Variants in SGCZ observed in about 807,000 individuals in gnomAD.
SGCZ encodes the protein zeta-sarcoglycan.
A neutral mutation model predicts 41.3 loss-of-function variants in SGCZ; 40 were observed. That is an observed-to-expected ratio of 0.97 (90% confidence interval 0.75 to 1.26). SGCZ has a LOEUF of 1.26. Ranked by LOEUF, SGCZ falls within the 50% of genes most tolerant of loss-of-function variation. SGCZ has a pLI of 0.00. For missense variants in SGCZ, 552 were observed against 369.8 expected (o/e 1.49, Z -4.04); for synonymous variants, 206 against 137.5 (o/e 1.50, Z -3.49).
intron 1 of SGCZ, among the ~76,000 whole-genome samples, chr8:14,788,516 T>C (rs1272998529): frequency 1.3e-5 from 2 of 152,206 alleles, no homozygotes; most frequent in Admixed American, 6.5e-5. Context: ...CTGGGGACAG[T>C]AGCTTAACTT....
At chr8:14,633,677 C>T (rs1273850288) in intron 1 of SGCZ, among the ~76,000 whole-genome samples, 4 of 151,890 alleles carry the variant, frequency 2.6e-5, no homozygotes, top group African/African-American at 9.6e-5. Flanking sequence ...TTGTATACCT[C>T]TAATTTTAGA....
At chr8:14,241,644 C>T (rs750324267) in intron 3 of SGCZ, among the ~76,000 whole-genome samples, 5 of 151,602 alleles carry the variant, frequency 3.3e-5, no homozygotes, top group African/African-American at 4.8e-5. Flanking sequence ...CATGGTTTTC[C>T]GAAGCTGACC....
chr8:14,377,784 G>T lies in SGCZ; in HGVS notation c.235-53580C>A, dbSNP rs1309082263. Among the ~76,000 whole-genome samples, 4 of 151,470 alleles carry T rather than the reference G, an allele frequency of 2.6e-5. No homozygotes were observed. The East Asian group carries it at 7.8e-4, about 30-fold the overall frequency. ...TATGAGTGAGAATATGCGGTGTTTG[G>T]TTTTTTGTTCTTGCGATAGTTTACT... is the stretch of plus-strand genomic sequence containing the variant. On this transcript the variant is annotated intron_variant, in intron 2 of 7. Coordinates refer to ENST00000382080, the MANE Select transcript of SGCZ (RefSeq NM_139167.4).
intron 1 of SGCZ, among the ~76,000 whole-genome samples, chr8:15,068,343 C>G (rs948274358): frequency 1.3e-5 from 2 of 152,148 alleles, no homozygotes; most frequent in African/African-American, 4.8e-5. Context: ...CAGTGAGGCC[C>G]ACACTGTAAC....
chr8:14,514,681 A>G (rs924904797), intron 2 of SGCZ, among the ~76,000 whole-genome samples: 7 of 149,422 alleles, frequency 4.7e-5, no homozygotes, highest in South Asian at 2.1e-4. Context: ...AAATATATAT[A>G]CGTATATATT....
intron 1 of SGCZ, among the ~76,000 whole-genome samples, chr8:15,216,405 A>G (rs1801405278): frequency 1.3e-5 from 2 of 151,786 alleles, no homozygotes; most frequent in Admixed American, 6.6e-5. Flanking sequence ...TATTTTTAGT[A>G]GAGACGGAGT....
chr8:14,831,894 AT>A (rs1377696194), intron 1 of SGCZ, among the ~76,000 whole-genome samples: 1 of 152,090 alleles, frequency 6.6e-6, no homozygotes, highest in African/African-American at 2.4e-5. Flanking sequence ...TTGTATATAT[AT>A]GTTTGTGTAT....
At chr8:14,477,721 C>T (rs1056865300) in intron 2 of SGCZ, among the ~76,000 whole-genome samples, 1 of 152,146 alleles carries the variant, frequency 6.6e-6, no homozygotes, top group Non-Finnish European at 1.5e-5. Context: ...GAATATGCTA[C>T]TCCAGACTAT....
chr8:14,815,547 T>C (rs1337722992), intron 1 of SGCZ, among the ~76,000 whole-genome samples: 2 of 152,152 alleles, frequency 1.3e-5, no homozygotes, highest in South Asian at 2.1e-4. Flanking sequence ...CTTTAGACAT[T>C]GTCTGCACCT....
At chr8:14,289,764 G>A (rs1003777111) in intron 3 of SGCZ, among the ~76,000 whole-genome samples, 2 of 151,238 alleles carry the variant, frequency 1.3e-5, no homozygotes, top group African/African-American at 4.9e-5. Flanking sequence ...TACATATATA[G>A]AAGAACTGTA....
chr8:14,149,719 A>C (rs961923283), intron 5 of SGCZ, among the ~76,000 whole-genome samples: 6 of 152,006 alleles, frequency 3.9e-5, no homozygotes, highest in African/African-American at 1.4e-4. Context: ...AGGATAGCTA[A>C]AGTTATCCTA....
chr8:14,196,021 A>C (rs1805256606), intron 4 of SGCZ, among the ~76,000 whole-genome samples: 1 of 152,130 alleles, frequency 6.6e-6, no homozygotes, highest in Admixed American at 6.6e-5. Context: ...ATCTATTTAA[A>C]AATGACAGTT....
chr8:14,144,104 G>A (rs1803452809), intron 5 of SGCZ, among the ~76,000 whole-genome samples: 1 of 152,112 alleles, frequency 6.6e-6, no homozygotes, highest in East Asian at 1.9e-4. Context: ...ACTAGGTCCA[G>A]AGACAGTGGA....
At chr8:14,295,045 C>T (rs1378556409) in intron 3 of SGCZ, among the ~76,000 whole-genome samples, 1 of 152,074 alleles carries the variant, frequency 6.6e-6, no homozygotes, top group Non-Finnish European at 1.5e-5. Context: ...TTAACCACCT[C>T]CTATGTGACC....
rs1194136729 is a variant in SGCZ, at chr8:14,238,786, T to C, written c.337-1107A>G. 2.6e-5 allele frequency among the ~76,000 whole-genome samples: 4 copies of C among 152,090 alleles called. No individual in the cohort carries two copies. The East Asian group carries it at 7.7e-4, about 29-fold the overall frequency. Reference sequence around the variant, plus strand: ...CGGTGATCAAAAAATAGAACAAAACTTGCCCTCTTGGTGCTTGCATTGTGG... The same window carrying C: ...CGGTGATCAAAAAATAGAACAAAACCTGCCCTCTTGGTGCTTGCATTGTGG... On this transcript the variant is annotated intron_variant, in intron 3 of 7. Transcript: ENST00000382080.
At chr8:14,627,993 A>G (rs1043954583) in intron 1 of SGCZ, among the ~76,000 whole-genome samples, 2 of 152,090 alleles carry the variant, frequency 1.3e-5, no homozygotes, top group African/African-American at 4.8e-5. Context: ...AGACCCACAC[A>G]TCACTATGTC....
rs149335380 is a variant in SGCZ at position 14,598,651 on chromosome 8, C to T, written c.40-43725G>A. On this transcript the variant is annotated intron_variant, in intron 1 of 7. Coordinates refer to ENST00000382080, the MANE Select transcript of SGCZ (RefSeq NM_139167.4). ...TCAAGTGATTTCCCACTTGAGTCTC[C>T]CAAATAACTTGGACTATAGGTGGGC... Among the ~76,000 whole-genome samples the T allele has an allele frequency of 4.5e-3, 685 of 152,018 alleles. 3 individuals carry two copies. Among genetic ancestry groups the T allele is most frequent in the Non-Finnish European group, 7.5e-3 (508 of 67,974 alleles).
chr8:14,242,261 T>A (rs1041395976), intron 3 of SGCZ, among the ~76,000 whole-genome samples: 1 of 152,194 alleles, frequency 6.6e-6, no homozygotes, highest in Non-Finnish European at 1.5e-5. Context: ...CGTAGTGAAA[T>A]AGCAGTGGTA....
intron 1 of SGCZ, among the ~76,000 whole-genome samples, chr8:14,920,597 C>A (rs1471094457): frequency 1.3e-5 from 2 of 151,954 alleles, no homozygotes; most frequent in African/African-American, 2.4e-5. Context: ...AAGATGGTAA[C>A]AGATTAAGAA....
Sources: gnomAD v4.1 joint callset for allele counts (sites outside exome capture counted in the v4.1 genomes callset) on GRCh38, gnomAD v4.1.1 for gene constraint, MANE v1.5 for transcripts, NCBI Gene and HGNC (gene_info 2026-07-23, HGNC 2026-07-21) for gene names.